Variants in PEAK1 observed in about 807,000 individuals in gnomAD.
The protein encoded by PEAK1 is inactive tyrosine-protein kinase PEAK1.
In PEAK1, 54 loss-of-function variants were observed where a neutral mutation model predicts 124.7. The observed-to-expected ratio is 0.43, with a 90% CI of 0.35 to 0.54. The LOEUF (loss-of-function observed/expected upper bound fraction) is 0.54. Ranked by LOEUF, PEAK1 falls within the 20% of genes least tolerant of loss-of-function variation. The probability of loss-of-function intolerance (pLI) is 0.01; values close to 1 mark genes in which losing one functional copy is unlikely to be tolerated. For synonymous variants in PEAK1, 719 were observed against 760.0 expected, an observed-to-expected ratio of 0.95 and a Z score of 0.89; for missense variants, 2,046 against 2,134.5, an observed-to-expected ratio of 0.96 and a Z score of 0.82.
chr15:77,133,415 G>A lies in PEAK1; in HGVS notation c.3667C>T (p.Arg1223Cys), dbSNP rs371266177. The A allele has an allele frequency of 1.4e-5, 22 of 1,614,088 alleles. No individual in the cohort carries two copies. Among genetic ancestry groups the A allele is most frequent in the Admixed American group, 1.0e-4 (6 of 59,996 alleles). Residue 1223 changes from arginine to cysteine, a missense_variant, in exon 9 of 10, where the codon CGC (arginine) becomes TGC (cysteine). By Grantham distance (180) the Arg-to-Cys change is radical. Coordinates refer to ENST00000682557, the MANE Select transcript of PEAK1 (RefSeq NM_001385026.1). This position sits in a 1 kb window ranked among gnomAD's most constrained non-coding sequence, Gnocchi z 4.2. Reference protein sequence around the residue: ...ESYDSLERPLRKERPVPSAAN... With the variant: ...ESYDSLERPLCKERPVPSAAN... ...GCTGAGGGGACAGGTCTCTCCTTGCGCAAAGGCCTTTCCAAGGAGTCATAA... is the reference window on the plus strand; with the variant it reads ...GCTGAGGGGACAGGTCTCTCCTTGCACAAAGGCCTTTCCAAGGAGTCATAA...
At chr15:77,118,832 A>C (rs1184981101) in intron 9 of PEAK1, among the ~76,000 whole-genome samples, 1 of 152,234 alleles carries the variant, frequency 6.6e-6, no homozygotes, top group East Asian at 1.9e-4. Flanking sequence ...TCCCTTTTCT[A>C]ATAGGGGAAA....
Position 77,351,979 on chromosome 15 carries a change from G to C in PEAK1, c.-603+13184C>G, listed in dbSNP as rs2067237239. Reference sequence around the variant, plus strand: ...CTCATGCCTATAATACCAGCAATTTGGGAGGCCAAGGCGGGAGTATAGCTT... The same window carrying C: ...CTCATGCCTATAATACCAGCAATTTCGGAGGCCAAGGCGGGAGTATAGCTT... On this transcript the variant is annotated intron_variant, in intron 2 of 9. Coordinates refer to ENST00000682557, the MANE Select transcript of PEAK1 (RefSeq NM_001385026.1). The C allele has an allele frequency of 3.1e-6, 3 of 980,334 alleles. No individual in the cohort carries two copies. In the South Asian group the frequency reaches 1.4e-4, roughly 46 times the overall value. 60.7% of individuals were successfully genotyped at this position (980,334 alleles called of 1,614,324 possible).
intron 5 of PEAK1, among the ~76,000 whole-genome samples, chr15:77,255,105 A>G (rs1160294017): frequency 1.3e-5 from 2 of 152,208 alleles, no homozygotes; most frequent in Non-Finnish European, 2.9e-5. Flanking sequence ...CACATGTATT[A>G]AGATAGGAAG....
chr15:77,379,347 C>G (rs1597511046), intron 1 of PEAK1, among the ~76,000 whole-genome samples: 1 of 152,140 alleles, frequency 6.6e-6, no homozygotes, highest in South Asian at 2.1e-4. Context: ...GAATGTGAGT[C>G]ACTTTTGAAG....
intron 1 of PEAK1, among the ~76,000 whole-genome samples, chr15:77,391,298 T>C (rs927302884): frequency 6.6e-6 from 1 of 152,064 alleles, no homozygotes; most frequent in Non-Finnish European, 1.5e-5. Context: ...ACTGTTCACA[T>C]ACCATTCATT....
chr15:77,333,717 G>A (rs2066027977), intron 2 of PEAK1: 1 of 968,078 alleles, frequency 1.0e-6, no homozygotes, highest in Admixed American at 6.2e-5. Context: ...AATTGAAATG[G>A]CTTCACTATC....
intron 2 of PEAK1, among the ~76,000 whole-genome samples, chr15:77,363,360 CTCTGTGGCCTTTA>C (rs2068022443): frequency 1.3e-5 from 2 of 152,184 alleles, no homozygotes; most frequent in African/African-American, 4.8e-5. Flanking sequence ...ATTCAGAAGT[CTCTGTGGCCTTTA>C]ACTGAGGCCT....
chr15:77,130,666 G>A (rs566232664), intron 9 of PEAK1, among the ~76,000 whole-genome samples: 4 of 152,318 alleles, frequency 2.6e-5, no homozygotes, highest in Non-Finnish European at 4.4e-5. Context: ...TTGAACCAGT[G>A]AATAGAATCA....
chr15:77,336,545 G>A, intron 2 of PEAK1: 2 of 985,366 alleles, frequency 2.0e-6, no homozygotes, highest in Non-Finnish European at 2.4e-6. Flanking sequence ...GAAATATAGA[G>A]TCTGTGAATC....
chr15:77,226,044 G>GATATATATA (rs57675196), intron 6 of PEAK1, among the ~76,000 whole-genome samples: 1,932 of 44,810 alleles, frequency 0.043, 119 homozygotes, highest in Non-Finnish European at 0.061. Flanking sequence ...AAAATAAAGG[G>GATATATATA]ATATATATAT....
At chr15:77,261,283 ATGAGT>A (rs2061424805) in intron 5 of PEAK1, among the ~76,000 whole-genome samples, 2 of 152,348 alleles carry the variant, frequency 1.3e-5, no homozygotes, top group South Asian at 4.1e-4. Context: ...AATGACTTTG[ATGAGT>A]TGAGAGAAGA....
At chr15:77,404,193 T>C (rs564489513) in intron 1 of PEAK1, 1 of 985,416 alleles carries the variant, frequency 1.0e-6, no homozygotes, top group Non-Finnish European at 1.2e-6. Flanking sequence ...AGGTTTAACA[T>C]CTTGTGAGAC....
chr15:77,302,358 A>G (rs1170875326), intron 2 of PEAK1, among the ~76,000 whole-genome samples: 1 of 152,208 alleles, frequency 6.6e-6, no homozygotes, highest in Non-Finnish European at 1.5e-5. Flanking sequence ...AAATGAGTTC[A>G]TATCAATGTC....
chr15:77,142,352 T>C (rs1403403522), intron 8 of PEAK1, among the ~76,000 whole-genome samples: 1 of 152,214 alleles, frequency 6.6e-6, no homozygotes, highest in Non-Finnish European at 1.5e-5. Flanking sequence ...TGCTTATACA[T>C]TGCTAGTAGG....
chr15:77,347,405 T>C (rs1295508009), intron 2 of PEAK1: 1 of 985,244 alleles, frequency 1.0e-6, no homozygotes, highest in African/African-American at 1.7e-5. Context: ...ATCAGAGTAC[T>C]GGCTGAATCA....
Position 77,352,693 on chromosome 15 carries a change from A to T in PEAK1, c.-603+12470T>A, listed in dbSNP as rs184592467. The T allele has an allele frequency of 6.3e-6, 6 of 952,672 alleles. No homozygotes were observed. In the East Asian group the frequency reaches 5.8e-4, roughly 92 times the overall value. The allele number at this position is 952,672 out of a possible 1,614,324, so 59.0% of individuals were successfully genotyped here. A position where few individuals can be genotyped will look rare whatever the true frequency, so the allele number is the denominator to read the frequency against. ...TATAGAGTATTAACCTGAAATTTTT[A>T]AAAATTTAATGTTTCAAGAAGATTT... On this transcript the variant is annotated intron_variant, in intron 2 of 9. Coordinates refer to ENST00000682557, the MANE Select transcript of PEAK1 (RefSeq NM_001385026.1).
chr15:77,391,889 A>T (rs1165880506), intron 1 of PEAK1, among the ~76,000 whole-genome samples: 1 of 152,244 alleles, frequency 6.6e-6, no homozygotes, highest in Non-Finnish European at 1.5e-5. Flanking sequence ...ATATCCGATT[A>T]TTCACCTGTA....
chr15:77,384,190 C>CAAA (rs35915780), intron 1 of PEAK1, among the ~76,000 whole-genome samples: 11 of 138,412 alleles, frequency 7.9e-5, no homozygotes, highest in African/African-American at 2.9e-4. Flanking sequence ...AAATTTAGTG[C>CAAA]AAAAAAAAAA....
Position 77,375,916 on chromosome 15 carries a change from G to A in PEAK1, c.-665-10691C>T, listed in dbSNP as rs183159998. Among the ~76,000 whole-genome samples, 1,171 of 151,974 alleles carry A rather than the reference G, an allele frequency of 7.7e-3. 15 individuals are homozygous for A. The highest frequency in any genetic ancestry group is 0.027 in the African/African-American group (1,108 of 41,496). ...CGGGAGGCTGAGGCAGGAGAATGGC[G>A]GGAACCCGGGAGGCGGAGCCTGCAG... On this transcript the variant is annotated intron_variant, in intron 1 of 9. Coordinates refer to ENST00000682557, the MANE Select transcript of PEAK1 (RefSeq NM_001385026.1).
Sources: gnomAD v4.1 joint callset for allele counts (sites outside exome capture counted in the v4.1 genomes callset) on GRCh38, gnomAD v4.1.1 for gene constraint, Gnocchi (gnomAD v3.1) non-coding constraint, MANE v1.5 for transcripts, NCBI Gene and HGNC (gene_info 2026-07-23, HGNC 2026-07-21) for gene names.